Variants in RIMBP2 observed in about 807,000 individuals in gnomAD.
The protein encoded by RIMBP2 is RIMS binding protein 2, also known as RIMS-binding protein 2.
A neutral mutation model predicts 118.6 loss-of-function variants in RIMBP2; 48 were observed. That is an observed-to-expected ratio of 0.40 (90% CI 0.32 to 0.51). The LOEUF (loss-of-function observed/expected upper bound fraction) is 0.51. Ranked by LOEUF, RIMBP2 falls within the 20% of genes least tolerant of loss-of-function variation. RIMBP2 has a pLI of 0.41. For synonymous variants in RIMBP2, 762 were observed against 742.9 expected, an observed-to-expected ratio of 1.03 and a Z score of -0.42; for missense variants, 1,551 against 1,768.3, an observed-to-expected ratio of 0.88 and a Z score of 2.20.
chr12:130,677,717 G>A (rs1022079082), intron 1 of RIMBP2, among the ~76,000 whole-genome samples: 1 of 151,952 alleles, frequency 6.6e-6, no homozygotes, highest in Admixed American at 6.6e-5. Flanking sequence ...TCAAGCCTTT[G>A]TCAACTGTCC....
chr12:130,709,441 C>T (rs1949736269), intron 1 of RIMBP2, among the ~76,000 whole-genome samples: 1 of 152,260 alleles, frequency 6.6e-6, no homozygotes, highest in African/African-American at 2.4e-5. Context: ...AGCTCTGGCA[C>T]CCGCAGCCTG....
rs139117389 is a variant in RIMBP2, at chr12:130,692,282, G to A, written c.-352+23940C>T. Reference sequence around the variant, plus strand: ...CCCCCCAGGGCCTTGTGGTCAGGGCGGGTCTGCTGCAGAAGCCTCTTCATG... The same window carrying A: ...CCCCCCAGGGCCTTGTGGTCAGGGCAGGTCTGCTGCAGAAGCCTCTTCATG... On this transcript the variant is annotated intron_variant, in intron 1 of 22. Transcript: ENST00000690449. Among the ~76,000 whole-genome samples the A allele has an allele frequency of 5.9e-3, 900 of 152,250 alleles. 4 individuals carry two copies. Among genetic ancestry groups the A allele is most frequent in the Admixed American group, 0.01 (158 of 15,296 alleles).
chr12:130,406,119 AT>A, intron 21 of RIMBP2, 52 bp downstream of exon 21: 1 of 1,189,390 alleles, frequency 8.4e-7, no homozygotes, highest in East Asian at 2.3e-5. Flanking sequence ...AACACACAAA[AT>A]AAATGAAAAT....
chr12:130,583,807 TCACCTCATCACCACCAC>T, intron 2 of RIMBP2, among the ~76,000 whole-genome samples: 1 of 76,962 alleles, frequency 1.3e-5, no homozygotes, highest in South Asian at 5.7e-4. Flanking sequence ...ACCACCGCCA[TCACCTCATCACCACCAC>T]CCCCATCACC....
chr12:130,572,253 G>A (rs868286578), intron 2 of RIMBP2, among the ~76,000 whole-genome samples: 1 of 96,984 alleles, frequency 1.0e-5, no homozygotes, highest in African/African-American at 2.8e-5. Flanking sequence ...CACGCACCAC[G>A]GAGGTCCCAG....
At chr12:130,666,176 A>G (rs7963758) in intron 1 of RIMBP2, among the ~76,000 whole-genome samples, 3,477 of 152,256 alleles carry the variant, frequency 0.023, 126 homozygotes, top group African/African-American at 0.078. Flanking sequence ...TAAAATTAAT[A>G]CTAAAGGGCC....
In RIMBP2 at chr12:130,633,479, G is replaced by A. The variant is rs529587994; in HGVS notation, c.-351-5023C>T. Among the ~76,000 whole-genome samples, 316 of 152,158 alleles carry A rather than the reference G, an allele frequency of 2.1e-3. 2 individuals carry two copies. Among genetic ancestry groups the A allele is most frequent in the African/African-American group, 6.9e-3 (285 of 41,496 alleles). On this transcript the variant is annotated intron_variant, in intron 1 of 22. Coordinates refer to ENST00000690449, the MANE Select transcript of RIMBP2 (RefSeq NM_001393629.1). Reference sequence around the variant, plus strand: ...TTCCTCCTGAACCACATCCTATCCCGAGTGTCCCGCCCACAGCCCACCGAA... The same window carrying A: ...TTCCTCCTGAACCACATCCTATCCCAAGTGTCCCGCCCACAGCCCACCGAA...
At position 130,683,894 on chromosome 12, in the gene RIMBP2, C is replaced by T. The variant is rs772847272; in HGVS notation, c.-352+32328G>A. On this transcript the variant is annotated intron_variant, in intron 1 of 22. Coordinates refer to ENST00000690449, the MANE Select transcript of RIMBP2 (RefSeq NM_001393629.1). The surrounding 1 kb of genome is among the most constrained non-coding windows in gnomAD (Gnocchi z 4.4). ...TTGTCCTGCCTATGGAATAGCCATT[C>T]TTTATTCCTTTACTTTCCTAATAAA... is the stretch of plus-strand genomic sequence containing the variant. Among the ~76,000 whole-genome samples the T allele has an allele frequency of 6.6e-6, 1 of 152,212 alleles. No homozygotes were observed. Among genetic ancestry groups the T allele is most frequent in the African/African-American group, 2.4e-5 (1 of 41,458 alleles).
At chr12:130,485,558 G>T (rs560931752) in intron 4 of RIMBP2, among the ~76,000 whole-genome samples, 7 of 152,242 alleles carry the variant, frequency 4.6e-5, no homozygotes, top group Admixed American at 6.5e-5. Flanking sequence ...GCTTAATTCT[G>T]CCATTTTGGC....
At position 130,581,978 on chromosome 12, in the gene RIMBP2, G is replaced by A. The variant is rs1224778351; in HGVS notation, c.-217+46344C>T. On this transcript the variant is annotated intron_variant, in intron 2 of 22. Transcript: ENST00000690449. The surrounding 1 kb of genome is among the most constrained non-coding windows in gnomAD (Gnocchi z 4.4). Reference sequence around the variant, plus strand: ...TCACTTCACCACCACCACCACCACCGACCTCAGGACCTTTGCACCTGCTGC... The same window carrying A: ...TCACTTCACCACCACCACCACCACCAACCTCAGGACCTTTGCACCTGCTGC... 1.3e-5 allele frequency among the ~76,000 whole-genome samples: 2 copies of A among 151,630 alleles called. No individual in the cohort carries two copies. The highest frequency in any genetic ancestry group is 6.6e-5 in the Admixed American group (1 of 15,234).
chr12:130,543,507 G>A (rs1411549547), intron 2 of RIMBP2, among the ~76,000 whole-genome samples: 1 of 152,180 alleles, frequency 6.6e-6, no homozygotes, highest in African/African-American at 2.4e-5. Context: ...GAAAGGGTAG[G>A]TAGACCAGCA....
chr12:130,465,295 C>G (rs1321113852), intron 6 of RIMBP2: 4 of 152,260 alleles, frequency 2.6e-5, no homozygotes. Context: ...AGGTTCAATG[C>G]CTCGCTCCAG....
chr12:130,404,660 C>T (rs1565982591), intron 21 of RIMBP2, among the ~76,000 whole-genome samples: 1 of 152,124 alleles, frequency 6.6e-6, no homozygotes, highest in East Asian at 1.9e-4. Flanking sequence ...TCTTTTCTGA[C>T]AGATGAAAGG....
At position 130,442,293 on chromosome 12, in the gene RIMBP2, C is replaced by T. The variant is rs2078197678; in HGVS notation, c.1059G>A (p.Val353=). Residue 353 remains valine, a synonymous_variant, in exon 11 of 23, where the codon GTG becomes GTA. Coordinates refer to ENST00000690449, the MANE Select transcript of RIMBP2 (RefSeq NM_001393629.1). This position sits in a 1 kb window ranked among gnomAD's most constrained non-coding sequence, Gnocchi z 6.9. ...TGAGGTTCATGCGTGTCTCCTTGTC[C>T]ACCAGGACGTTGTAGCTGCTCACCG... The part of the protein sequence containing the change: ...WGTVSSYNVL[V]DKETRMNLTL... 2 of 1,614,112 alleles carry T rather than the reference C, an allele frequency of 1.2e-6. No individual in the cohort carries two copies. The highest frequency in any genetic ancestry group is 1.3e-5 in the African/African-American group (1 of 74,940).
chr12:130,704,384 G>A (rs1039922994), intron 1 of RIMBP2, among the ~76,000 whole-genome samples: 1 of 152,138 alleles, frequency 6.6e-6, no homozygotes, highest in African/African-American at 2.4e-5. Flanking sequence ...GAGACCAACT[G>A]GCCAAATTGG....
chr12:130,478,826 G>A, intron 5 of RIMBP2, 86 bp downstream of exon 5: 1 of 918,300 alleles, frequency 1.1e-6, no homozygotes, highest in Middle Eastern at 3.4e-4. Context: ...CAAGGCCGCA[G>A]GTCGGCCGCT....
intron 2 of RIMBP2, among the ~76,000 whole-genome samples, chr12:130,549,806 C>T (rs1487042198): frequency 2.0e-5 from 3 of 152,164 alleles, no homozygotes; most frequent in Non-Finnish European, 4.4e-5. Flanking sequence ...GTGAATAGTG[C>T]TGCAATGAAC....
intron 1 of RIMBP2, among the ~76,000 whole-genome samples, chr12:130,693,177 C>T (rs973153777): frequency 6.6e-6 from 1 of 152,136 alleles, no homozygotes; most frequent in Non-Finnish European, 1.5e-5. Flanking sequence ...GTCTCCCCAC[C>T]GTGTCCATGA....
chr12:130,673,430 G>A (rs2064290369), intron 1 of RIMBP2, among the ~76,000 whole-genome samples: 1 of 152,210 alleles, frequency 6.6e-6, no homozygotes, highest in African/African-American at 2.4e-5. Flanking sequence ...CTGAGGCACT[G>A]AAGAACCTTG....
Sources: gnomAD v4.1 joint callset for allele counts (sites outside exome capture counted in the v4.1 genomes callset) on GRCh38, gnomAD v4.1.1 for gene constraint, Gnocchi (gnomAD v3.1) non-coding constraint, MANE v1.5 for transcripts, NCBI Gene and HGNC (gene_info 2026-07-23, HGNC 2026-07-21) for gene names.